The following FNDC11 variants were observed in gnomAD, a reference collection of about 807,000 sequenced individuals.
The protein encoded by FNDC11 is fibronectin type III domain containing 11.
In FNDC11, 15 loss-of-function variants were observed where a neutral mutation model predicts 15.8. The observed-to-expected ratio is 0.95, with a 90% CI of 0.63 to 1.46. The LOEUF (loss-of-function observed/expected upper bound fraction) is 1.46, where lower values mean the gene tolerates loss of function less well. Among genes scored for constraint, FNDC11 ranks in the 40% most tolerant of loss-of-function variants. FNDC11 has a pLI of 0.00. For synonymous variants in FNDC11, 190 were observed against 203.1 expected (o/e 0.94, Z 0.55); for missense variants, 416 against 443.4 (o/e 0.94, Z 0.55).
At chr20:63,554,942 A>G (rs144762335) in intron 1 of FNDC11, 1 of 152,420 alleles carries the variant, frequency 6.6e-6, no homozygotes, top group Non-Finnish European at 1.5e-5. Context: ...AGAGGGTCAG[A>G]CTCGGCTCAG....
upstream of FNDC11, chr20:63,553,724 G>A (rs1437732278): frequency 6.5e-6 from 1 of 153,464 alleles, no homozygotes; most frequent in African/African-American, 2.4e-5. Context: ...CAGAGCCCGC[G>A]GCGGGGGAAG....
chr20:63,556,642 T>C lies in FNDC11; in HGVS notation c.*22T>C, dbSNP rs1274498875. 1 of 1,586,766 alleles carries C rather than the reference T, an allele frequency of 6.3e-7. No individual in the cohort carries two copies. The highest frequency in any genetic ancestry group is 2.2e-5 in the East Asian group (1 of 44,458). On this transcript the variant is annotated 3_prime_UTR_variant, in exon 2 of 2. Transcript: ENST00000370097. Reference sequence around the variant, plus strand: ...CTGAGAGATGATTTTCTAATATTTATCCACTAATAAAGAAGAGTGTAAATG... The same window carrying C: ...CTGAGAGATGATTTTCTAATATTTACCCACTAATAAAGAAGAGTGTAAATG...
Position 63,555,769 on chromosome 20 carries a change from G to C in FNDC11, c.106G>C (p.Glu36Gln). Residue 36 changes from glutamate to glutamine, a missense_variant, in exon 2 of 2, where the codon GAG becomes CAG. Transcript: ENST00000370097. Reference protein sequence around the residue: ...EADDQQLLEPEAWKTYTERRN... With the variant: ...EADDQQLLEPQAWKTYTERRN... ...AGATGACCAGCAGCTGCTGGAACCAGAGGCGTGGAAGACCTACACCGAGCG... is the reference window on the plus strand; with the variant it reads ...AGATGACCAGCAGCTGCTGGAACCACAGGCGTGGAAGACCTACACCGAGCG... 1 of 1,613,488 alleles carries C rather than the reference G, an allele frequency of 6.2e-7. No homozygotes were observed.
intron 1 of FNDC11, chr20:63,554,780 T>C (rs993164407): frequency 6.6e-6 from 1 of 152,230 alleles, no homozygotes; most frequent in Non-Finnish European, 1.5e-5. Flanking sequence ...TAGCTCTCAT[T>C]TGTGGGTCGT....
chr20:63,556,082 T>G lies in FNDC11; in HGVS notation c.419T>G (p.Leu140Arg). ...LEQLDHGRAE[L>R]DALLRSPDPR... ...CAGCTCGACCATGGCCGTGCTGAGC[T>G]GGATGCCCTGCTCCGGTCGCCAGAC... The change falls in exon 2 of 2, where the codon CTG becomes CGG. Residue 140 changes from leucine (L) to arginine (R), a missense_variant. Coordinates refer to ENST00000370097, the MANE Select transcript of FNDC11 (RefSeq NM_001319152.2). The G allele has an allele frequency of 1.3e-6, 2 of 1,598,482 alleles. No homozygotes were observed. Among genetic ancestry groups the G allele is most frequent in the South Asian group, 2.2e-5 (2 of 91,060 alleles).
rs765949407 is a variant in FNDC11, at chr20:63,556,266, G to T, written c.603G>T (p.Trp201Cys). 3 of 1,599,670 alleles carry T rather than the reference G, an allele frequency of 1.9e-6. No individual in the cohort carries two copies. ...GTGCCACCAAGATCCCGCACATCTG[G>T]CTCATGCTGAGCACCAAGATGCCTG... ...DVSATKIPHI[W>C]LMLSTKMPVV... Residue 201 changes from tryptophan (W) to cysteine (C), a missense_variant, in exon 2 of 2, where the codon TGG (tryptophan) becomes TGT (cysteine). Physicochemically the swap from Trp to Cys is radical, Grantham distance 215. Coordinates refer to ENST00000370097, the MANE Select transcript of FNDC11 (RefSeq NM_001319152.2).
In FNDC11 at chr20:63,555,972, C is replaced by A. The variant is rs200404643; in HGVS notation, c.309C>A (p.Ile103=). 169 of 1,601,418 alleles carry A rather than the reference C, an allele frequency of 1.1e-4. No individual in the cohort carries two copies. In the Admixed American group the frequency reaches 1.4e-3, roughly 14 times the overall value. Residue 103 remains isoleucine (I), a synonymous_variant, in exon 2 of 2, where the codon ATC becomes ATA. Transcript: ENST00000370097. ...LVLPSALFQL[I]DPWKFQRMKK... is the part of the protein sequence containing the mutation. ...TGCCTAGCGCCTTGTTCCAGCTCAT[C>A]GACCCCTGGAAGTTCCAGCGCATGA...
Position 63,555,806 on chromosome 20 carries a change from T to C in FNDC11, c.143T>C (p.Leu48Pro), listed in dbSNP as rs746703736. The change falls in exon 2 of 2, where the codon CTG becomes CCG. Residue 48 changes from leucine (L) to proline (P), a missense_variant. By Grantham distance (98) the Leu-to-Pro change is moderately conservative. Coordinates refer to ENST00000370097, the MANE Select transcript of FNDC11 (RefSeq NM_001319152.2). ...WKTYTERRNA[L>P]REFLTSDLSP... ...ACCTACACCGAGCGCCGCAATGCCCTGCGTGAGTTCCTGACCTCGGACCTG... is the reference window on the plus strand; with the variant it reads ...ACCTACACCGAGCGCCGCAATGCCCCGCGTGAGTTCCTGACCTCGGACCTG... The C allele has an allele frequency of 1.6e-5, 26 of 1,613,466 alleles. No homozygotes were observed. The South Asian group carries it at 2.7e-4, about 17-fold the overall frequency.
At position 63,556,283 on chromosome 20, in the gene FNDC11, AG is replaced by A; in HGVS notation, c.621del (p.Met208CysfsTer114). The A allele has an allele frequency of 6.2e-7, 1 of 1,601,624 alleles. No individual in the cohort carries two copies. The highest frequency in any genetic ancestry group is 8.5e-7 in the Non-Finnish European group (1 of 1,170,590). On this transcript the variant is annotated frameshift_variant, in exon 2 of 2. Coordinates refer to ENST00000370097, the MANE Select transcript of FNDC11 (RefSeq NM_001319152.2). LOFTEE classifies it high-confidence loss of function. ...CACATCTGGCTCATGCTGAGCACCAAGATGCCTGTCGTGTTTGACCGAAAGG... is the reference window on the plus strand; with the variant it reads ...CACATCTGGCTCATGCTGAGCACCAAATGCCTGTCGTGTTTGACCGAAAGG... ...IPHIWLMLSTKMPVVFDRKAS... is the reference protein window; with the variant it reads ...IPHIWLMLSTXMPVVFDRKAS...
intron 1 of FNDC11, chr20:63,554,761 G>T (rs1218843671): frequency 1.3e-5 from 2 of 152,300 alleles, no homozygotes; most frequent in South Asian, 4.1e-4. Context: ...GGGGAACTCA[G>T]CAACTGCTTA....
Position 63,555,637 on chromosome 20 carries a change from C to G in FNDC11, c.-10-17C>G. 1 of 1,580,324 alleles carries G rather than the reference C, an allele frequency of 6.3e-7. No individual in the cohort carries two copies. Among genetic ancestry groups the G allele is most frequent in the East Asian group, 2.3e-5 (1 of 44,006 alleles). ...AGGCCAGCCTGCCTGGCAGCTGACA[C>G]CCAGCCCTCCCCCCAGCTCCCGGAT... is the stretch of plus-strand genomic sequence containing the variant. On this transcript the variant is annotated splice_polypyrimidine_tract_variant and intron_variant, in intron 1 of 1. Coordinates refer to ENST00000370097, the MANE Select transcript of FNDC11 (RefSeq NM_001319152.2).
At chr20:63,553,415 C>G (rs111451153), upstream of FNDC11, among the ~76,000 whole-genome samples, 11 of 148,074 alleles carry the variant, frequency 7.4e-5, no homozygotes, top group Admixed American at 7.4e-4. Context: ...GTGGGGGGAG[C>G]CCGCGGTGGG....
At position 63,556,364 on chromosome 20, in the gene FNDC11, C is replaced by T. The variant is rs1247965765; in HGVS notation, c.701C>T (p.Pro234Leu). Residue 234 changes from proline to leucine, a missense_variant, in exon 2 of 2, where the codon CCA becomes CTA. By Grantham distance (98) the Pro-to-Leu change is moderately conservative. Transcript: ENST00000370097. ...ARLRWFVTIQ[P>L]ATSEQYELRF... ...CTGCGCTGGTTCGTCACCATCCAGC[C>T]AGCCACATCGGAGCAGTATGAGTTG... The T allele has an allele frequency of 9.9e-6, 16 of 1,612,346 alleles. No individual in the cohort carries two copies. The highest frequency in any genetic ancestry group is 2.7e-5 in the African/African-American group (2 of 74,954).
In FNDC11 at chr20:63,555,655, T is replaced by G; in HGVS notation, c.-9T>G. 1 of 1,594,474 alleles carries G rather than the reference T, an allele frequency of 6.3e-7. No homozygotes were observed. The highest frequency in any genetic ancestry group is 8.6e-7 in the Non-Finnish European group (1 of 1,167,606). On this transcript the variant is annotated splice_region_variant and 5_prime_UTR_variant, in exon 2 of 2. Transcript: ENST00000370097. ...GCTGACACCCAGCCCTCCCCCCAGC[T>G]CCCGGATAATGAGCACCCATGTGGC...
chr20:63,556,697 TTA>T, downstream of FNDC11: 1 of 1,386,940 alleles, frequency 7.2e-7, no homozygotes, highest in Non-Finnish European at 9.9e-7. Flanking sequence ...GCAAACCTAT[TTA>T]TGTTTTAAAG....
chr20:63,554,808 G>GT (rs1318893202), intron 1 of FNDC11: 1 of 152,274 alleles, frequency 6.6e-6, no homozygotes, highest in Non-Finnish European at 1.5e-5. Context: ...CCAAGTGGCT[G>GT]TGACAACCTG....
chr20:63,555,940 C>G lies in FNDC11; in HGVS notation c.277C>G (p.Leu93Val). Reference protein sequence around the residue: ...KHLALGDQNPLVLPSALFQLI... With the variant: ...KHLALGDQNPVVLPSALFQLI... The stretch of plus-strand genomic sequence containing the variant: ...CCTGGCCCTGGGCGACCAGAACCCG[C>G]TGGTGCTGCCTAGCGCCTTGTTCCA... Residue 93 changes from leucine (L) to valine (V), a missense_variant, in exon 2 of 2, where the codon CTG becomes GTG. Transcript: ENST00000370097. The G allele has an allele frequency of 6.2e-7, 1 of 1,604,320 alleles. No individual in the cohort carries two copies. The highest frequency in any genetic ancestry group is 8.5e-7 in the Non-Finnish European group (1 of 1,179,964).
intron 1 of FNDC11, chr20:63,554,447 T>G (rs2082788341): frequency 6.6e-6 from 1 of 152,282 alleles, no homozygotes; most frequent in Admixed American, 6.5e-5. Context: ...ACGACCAGCC[T>G]CTCTGGGTGT....
In FNDC11 at chr20:63,556,590, G is replaced by A. The variant is rs1244901035; in HGVS notation, c.927G>A (p.Leu309=). 5 of 1,612,800 alleles carry A rather than the reference G, an allele frequency of 3.1e-6. No individual in the cohort carries two copies. In the Admixed American group the frequency reaches 8.3e-5, roughly 27 times the overall value. ...SLTLHTKPEP[L]EGPALSHSV Reference sequence around the variant, plus strand: ...CCCTGCACACCAAGCCGGAGCCCCTGGAGGGGCCCGCCCTCAGCCACTCTG... The same window carrying A: ...CCCTGCACACCAAGCCGGAGCCCCTAGAGGGGCCCGCCCTCAGCCACTCTG... The change falls in exon 2 of 2, where the codon CTG becomes CTA. Residue 309 remains leucine (L), a synonymous_variant. Coordinates refer to ENST00000370097, the MANE Select transcript of FNDC11 (RefSeq NM_001319152.2).
Sources: gnomAD v4.1 joint callset for allele counts (sites outside exome capture counted in the v4.1 genomes callset) on GRCh38, gnomAD v4.1.1 for gene constraint, MANE v1.5 for transcripts, NCBI Gene and HGNC (gene_info 2026-07-23, HGNC 2026-07-21) for gene names.